Variants in TENM4 observed in about 807,000 individuals in gnomAD.
TENM4 encodes the protein teneurin transmembrane protein 4.
In TENM4, 82 loss-of-function variants were observed where a neutral mutation model predicts 243.3. That is an observed-to-expected ratio of 0.34 (90% CI 0.28 to 0.40). TENM4 has a LOEUF of 0.40. TENM4 is among the 10% of genes least tolerant of loss of function. TENM4 has a pLI of 1.00. For missense variants in TENM4, 3,138 were observed against 3,673.3 expected (o/e 0.85, Z 3.77); for synonymous variants, 1,412 against 1,456.3 (o/e 0.97, Z 0.69).
intron 19 of TENM4, chr11:78,756,508 T>C: frequency 2.6e-6 from 1 of 383,706 alleles, no homozygotes; most frequent in Non-Finnish European, 4.9e-6. Context: ...AAGAGCTGAC[T>C]GCAAAGTGGG....
At chr11:79,149,842 T>C (rs1293345726) in intron 3 of TENM4, among the ~76,000 whole-genome samples, 3 of 152,178 alleles carry the variant, frequency 2.0e-5, no homozygotes, top group African/African-American at 7.2e-5. Context: ...TTTAAAATTA[T>C]ACTCACTGAC....
chr11:79,288,026 C>T (rs1464846119), intron 2 of TENM4, among the ~76,000 whole-genome samples: 1 of 152,140 alleles, frequency 6.6e-6, no homozygotes, highest in African/African-American at 2.4e-5. Context: ...ATGGAACTGG[C>T]CCTCAGCTAA....
intron 1 of TENM4, among the ~76,000 whole-genome samples, chr11:79,400,310 ATTT>A (rs111841526): frequency 7.0e-6 from 1 of 142,916 alleles, no homozygotes; most frequent in Non-Finnish European, 1.5e-5. Context: ...TTCCTTAACC[ATTT>A]TTTTTTTTTT....
intron 1 of TENM4, among the ~76,000 whole-genome samples, chr11:79,412,200 G>T (rs566741418): frequency 3.9e-5 from 6 of 152,312 alleles, no homozygotes; most frequent in Middle Eastern, 3.4e-3. Context: ...AAGCCCAAGA[G>T]CATTCTCAAG....
intron 6 of TENM4, among the ~76,000 whole-genome samples, chr11:78,988,161 T>C (rs1007114971): frequency 6.6e-6 from 1 of 152,246 alleles, no homozygotes; most frequent in Admixed American, 6.5e-5. Flanking sequence ...CTCAGATAAC[T>C]TGCTCTGGAA....
chr11:79,094,266 G>A (rs936202608), intron 4 of TENM4, among the ~76,000 whole-genome samples: 3 of 152,174 alleles, frequency 2.0e-5, no homozygotes, highest in Non-Finnish European at 4.4e-5. Context: ...TGCCTGTGAT[G>A]GGCCAATCAC....
intron 30 of TENM4, among the ~76,000 whole-genome samples, chr11:78,672,558 G>A (rs1016840846): frequency 2.0e-5 from 3 of 152,228 alleles, no homozygotes; most frequent in African/African-American, 7.2e-5. Flanking sequence ...CAGGGTTGTT[G>A]TGAGGATGAA....
intron 2 of TENM4, among the ~76,000 whole-genome samples, chr11:79,247,711 A>G (rs1335524534): frequency 6.6e-6 from 1 of 152,242 alleles, no homozygotes; most frequent in Non-Finnish European, 1.5e-5. Flanking sequence ...CATTTTACCC[A>G]TGTCTGTCCC....
intron 2 of TENM4, among the ~76,000 whole-genome samples, chr11:79,237,831 G>C (rs142340108): frequency 6.6e-6 from 1 of 152,206 alleles, no homozygotes; most frequent in African/African-American, 2.4e-5. Context: ...TGCTTGGCTA[G>C]CTCTCTGCTG....
At chr11:79,285,976 C>T (rs1399755156) in intron 2 of TENM4, among the ~76,000 whole-genome samples, 1 of 151,986 alleles carries the variant, frequency 6.6e-6, no homozygotes, top group Non-Finnish European at 1.5e-5. Flanking sequence ...TTGCACAACT[C>T]TGTGAATAGA....
At position 78,657,290 on chromosome 11, in the gene TENM4, C is replaced by A. The variant is rs942572079; in HGVS notation, c.*768G>T. 9 of 398,130 alleles carry A rather than the reference C, an allele frequency of 2.3e-5. No individual in the cohort carries two copies. Among genetic ancestry groups the A allele is most frequent in the Non-Finnish European group, 3.5e-5 (8 of 226,246 alleles). 24.7% of individuals were successfully genotyped at this position (398,130 alleles called of 1,614,324 possible). ...GAGCCCAGGATGTTATGTCACTGGTCTGGGGGAAAGGACCTGGGAGACACT... is the reference window on the plus strand; with the variant it reads ...GAGCCCAGGATGTTATGTCACTGGTATGGGGGAAAGGACCTGGGAGACACT... On this transcript the variant is annotated 3_prime_UTR_variant, in exon 34 of 34. Transcript: ENST00000278550.
At chr11:78,940,493 T>A (rs1392603205) in intron 6 of TENM4, among the ~76,000 whole-genome samples, 1 of 152,206 alleles carries the variant, frequency 6.6e-6, no homozygotes, top group African/African-American at 2.4e-5. Flanking sequence ...TTCCTGGGGA[T>A]GGTTTAAGTG....
At chr11:79,184,218 C>T (rs976707846) in intron 3 of TENM4, among the ~76,000 whole-genome samples, 1 of 152,156 alleles carries the variant, frequency 6.6e-6, no homozygotes, top group Non-Finnish European at 1.5e-5. Flanking sequence ...GGACCTAGAG[C>T]AGCAGCCCCC....
At position 79,075,474 on chromosome 11, in the gene TENM4, T is replaced by C. The variant is rs140810293; in HGVS notation, c.-65-5465A>G. On this transcript the variant is annotated intron_variant, in intron 4 of 33. Coordinates refer to ENST00000278550, the MANE Select transcript of TENM4 (RefSeq NM_001098816.3). ...GTTTTGTAAACTGTAATGTACTAAA[T>C]TGGTATAAGGGATTGGAAAATCATT... Among the ~76,000 whole-genome samples the C allele has an allele frequency of 3.3e-5, 5 of 152,342 alleles. No individual in the cohort carries two copies. In the East Asian group the frequency reaches 9.6e-4, roughly 29 times the overall value.
At chr11:79,219,692 T>A (rs960512959) in intron 2 of TENM4, among the ~76,000 whole-genome samples, 1 of 152,228 alleles carries the variant, frequency 6.6e-6, no homozygotes, top group Admixed American at 6.5e-5. Context: ...AAGCAAGCTG[T>A]AACCCTGTGC....
intron 1 of TENM4, among the ~76,000 whole-genome samples, chr11:79,393,188 G>A (rs1858271810): frequency 6.6e-6 from 1 of 152,162 alleles, no homozygotes; most frequent in South Asian, 2.1e-4. Flanking sequence ...AGATTACTGG[G>A]TTTAGACCTC....
At chr11:78,767,068 C>A (rs1856553620) in intron 18 of TENM4, among the ~76,000 whole-genome samples, 1 of 151,932 alleles carries the variant, frequency 6.6e-6, no homozygotes, top group African/African-American at 2.4e-5. Context: ...TGTTTTAAAC[C>A]CAGCAAATTG....
intron 12 of TENM4, among the ~76,000 whole-genome samples, chr11:78,851,567 C>T (rs374827603): frequency 6.6e-6 from 1 of 152,196 alleles, no homozygotes; most frequent in African/African-American, 2.4e-5. Flanking sequence ...TGTAAAAGCA[C>T]TTAGTTTTGA....
At position 79,370,290 on chromosome 11, in the gene TENM4, T is replaced by C. The variant is rs142979678; in HGVS notation, c.-321+70219A>G. ...ATCATGACAGCACAGGCTGTCACCT[T>C]CTTCCTTTCCACTGTCTTCCAACTT... On this transcript the variant is annotated intron_variant, in intron 1 of 33. Coordinates refer to ENST00000278550, the MANE Select transcript of TENM4 (RefSeq NM_001098816.3). 1.2e-3 allele frequency among the ~76,000 whole-genome samples: 189 copies of C among 152,272 alleles called. 1 individual carries two copies. The highest frequency in any genetic ancestry group is 4.2e-3 in the African/African-American group (175 of 41,572).
Sources: allele counts gnomAD v4.1 joint callset (sites outside exome capture counted in the v4.1 genomes callset), GRCh38; gene constraint gnomAD v4.1.1; transcripts MANE v1.5; gene names NCBI Gene and HGNC (gene_info 2026-07-23, HGNC 2026-07-21).